The following PALLD variants were observed in gnomAD, a reference collection of about 807,000 sequenced individuals.
PALLD encodes the protein palladin.
PALLD carries 61 observed loss-of-function variants against 123.5 expected under a neutral mutation model. The ratio of observed to expected loss-of-function variants is 0.49; its 90% CI spans 0.40 to 0.61. PALLD has a LOEUF of 0.61. Ranked by LOEUF, PALLD falls within the 20% of genes least tolerant of loss-of-function variation. PALLD has a pLI of 0.00. For missense variants in PALLD, 1,273 were observed against 1,377.0 expected, an observed-to-expected ratio of 0.92 and a Z score of 1.20; for synonymous variants, 465 against 496.4, an observed-to-expected ratio of 0.94 and a Z score of 0.84.
At chr4:168,622,749 A>C (rs1490254519) in intron 2 of PALLD, among the ~76,000 whole-genome samples, 1 of 152,222 alleles carries the variant, frequency 6.6e-6, no homozygotes, top group Non-Finnish European at 1.5e-5. Context: ...CTGACAGATC[A>C]TACTTCCGGT....
intron 10 of PALLD, among the ~76,000 whole-genome samples, chr4:168,747,040 A>T (rs1032592019): frequency 1.3e-5 from 2 of 152,246 alleles, no homozygotes; most frequent in Non-Finnish European, 2.9e-5. Flanking sequence ...ATTGGAGCTG[A>T]GATCTGAAAT....
chr4:168,719,488 C>A (rs1013197462), intron 10 of PALLD, among the ~76,000 whole-genome samples: 1 of 151,950 alleles, frequency 6.6e-6, no homozygotes, highest in African/African-American at 2.4e-5. Flanking sequence ...TTGAACTCCT[C>A]ACCTCAGGTG....
At chr4:168,759,191 AAAAAAAAAAAAAT>A (rs1164686341) in intron 10 of PALLD, among the ~76,000 whole-genome samples, 60 of 29,512 alleles carry the variant, frequency 2.0e-3, no homozygotes, top group Non-Finnish European at 2.5e-3. Context: ...AAAAAAAAAA[AAAAAAAAAAAAAT>A]ATATATATAT....
intron 10 of PALLD, among the ~76,000 whole-genome samples, chr4:168,770,611 A>G (rs1734268103): frequency 6.6e-6 from 1 of 152,186 alleles, no homozygotes; most frequent in Non-Finnish European, 1.5e-5. Context: ...TCCATTGAAG[A>G]TGGAATTGTT....
At chr4:168,821,530 AG>A (rs539470689) in intron 10 of PALLD, among the ~76,000 whole-genome samples, 1 of 152,190 alleles carries the variant, frequency 6.6e-6, no homozygotes. Flanking sequence ...TTACACATAC[AG>A]ATATACACAA....
At chr4:168,739,517 T>C (rs1347069067) in intron 10 of PALLD, among the ~76,000 whole-genome samples, 1 of 152,200 alleles carries the variant, frequency 6.6e-6, no homozygotes, top group Non-Finnish European at 1.5e-5. Flanking sequence ...AGGGTGACCA[T>C]AGTTAACAGA....
At chr4:168,566,017 A>C (rs1301286028) in intron 2 of PALLD, among the ~76,000 whole-genome samples, 1 of 151,978 alleles carries the variant, frequency 6.6e-6, no homozygotes. Flanking sequence ...CCTGTGACTG[A>C]ATTCTGGATA....
intron 10 of PALLD, among the ~76,000 whole-genome samples, chr4:168,884,933 C>A (rs1295879562): frequency 6.6e-6 from 1 of 152,216 alleles, no homozygotes; most frequent in Admixed American, 6.5e-5. Context: ...GTGATCGCAT[C>A]AGATACGAGC....
chr4:168,631,844 G>C, intron 2 of PALLD: 1 of 985,504 alleles, frequency 1.0e-6, no homozygotes, highest in Non-Finnish European at 1.2e-6. Flanking sequence ...AGATCTGAAA[G>C]ACCCCCAAGA....
intron 2 of PALLD, among the ~76,000 whole-genome samples, chr4:168,543,892 T>C (rs1041959427): frequency 6.6e-6 from 1 of 152,254 alleles, no homozygotes; most frequent in Non-Finnish European, 1.5e-5. Flanking sequence ...TTTTGCTCAC[T>C]CATTAAAAAT....
chr4:168,890,736 G>A (rs879028150), intron 10 of PALLD, among the ~76,000 whole-genome samples, 186 bp from the exon 11 acceptor site: 2 of 152,090 alleles, frequency 1.3e-5, no homozygotes, highest in South Asian at 4.1e-4. Flanking sequence ...TCTGAAACCT[G>A]GATCCAATTA....
intron 10 of PALLD, among the ~76,000 whole-genome samples, chr4:168,721,936 A>G (rs1262046564): frequency 6.6e-6 from 1 of 152,182 alleles, no homozygotes; most frequent in African/African-American, 2.4e-5. Context: ...TCCTCCACAA[A>G]CACTGTTTTC....
intron 10 of PALLD, among the ~76,000 whole-genome samples, chr4:168,889,068 T>C (rs1753766573): frequency 6.6e-6 from 1 of 152,018 alleles, no homozygotes; most frequent in Non-Finnish European, 1.5e-5. Flanking sequence ...TTCTACTGTA[T>C]CAGTGAAGTG....
intron 10 of PALLD, among the ~76,000 whole-genome samples, chr4:168,772,593 A>G (rs1734599877): frequency 6.6e-6 from 1 of 152,184 alleles, no homozygotes; most frequent in Admixed American, 6.5e-5. Flanking sequence ...GGGTTTCTAT[A>G]TTCTGTGAAT....
chr4:168,794,052 G>T (rs1167295639), intron 10 of PALLD, among the ~76,000 whole-genome samples: 2 of 152,124 alleles, frequency 1.3e-5, no homozygotes, highest in Admixed American at 1.3e-4. Flanking sequence ...TCCTCTAGGT[G>T]CAGTGGCACG....
In PALLD at chr4:168,896,405, A is replaced by T. The variant is rs548814502; in HGVS notation, c.2200-144A>T. On this transcript the variant is annotated intron_variant, in intron 12 of 21. Coordinates refer to ENST00000505667, the MANE Select transcript of PALLD (RefSeq NM_001166108.2). ...GTCCTGTACCAAAAGTGAGAAGCAGAATGGTTGTGTGAGTACTCACAGCAC... is the reference window on the plus strand; with the variant it reads ...GTCCTGTACCAAAAGTGAGAAGCAGTATGGTTGTGTGAGTACTCACAGCAC... 3.3e-5 allele frequency: 21 copies of T among 638,792 alleles called. No homozygotes were observed. The South Asian group carries it at 3.6e-4, about 11-fold the overall frequency. 39.6% of individuals were successfully genotyped at this position (638,792 alleles called of 1,614,324 possible). A position where few individuals can be genotyped will look rare whatever the true frequency, so the allele number is the denominator to read the frequency against.
chr4:168,549,265 CAA>C (rs35293161), intron 2 of PALLD, among the ~76,000 whole-genome samples: 9,610 of 144,956 alleles, frequency 0.066, 366 homozygotes, highest in South Asian at 0.2. Context: ...TCACACTTCT[CAA>C]AAAAAAAAAA....
At chr4:168,704,172 C>G (rs1474811321) in intron 8 of PALLD, among the ~76,000 whole-genome samples, 1 of 151,670 alleles carries the variant, frequency 6.6e-6, no homozygotes, top group Non-Finnish European at 1.5e-5. Context: ...GGAAAACTGG[C>G]TAGCCATATG....
intron 10 of PALLD, among the ~76,000 whole-genome samples, chr4:168,872,542 T>C (rs543657799): frequency 4.6e-5 from 7 of 152,366 alleles, no homozygotes; most frequent in African/African-American, 1.7e-4. Context: ...TTTTTGTTTA[T>C]GGTACTTTGT....
Sources: allele counts gnomAD v4.1 joint callset (sites outside exome capture counted in the v4.1 genomes callset), GRCh38; gene constraint gnomAD v4.1.1; transcripts MANE v1.5; gene names NCBI Gene and HGNC (gene_info 2026-07-23, HGNC 2026-07-21).